Variants in CCDC39 observed in about 807,000 individuals in gnomAD.
The protein encoded by CCDC39 is coiled-coil domain-containing protein 39.
CCDC39 carries 113 observed loss-of-function variants against 121.0 expected under a neutral mutation model. The observed-to-expected ratio is 0.93, with a 90% CI of 0.80 to 1.09. The LOEUF (loss-of-function observed/expected upper bound fraction) is 1.09, where lower values mean the gene tolerates loss of function less well. Among genes scored for constraint, CCDC39 ranks in the 50% least tolerant of loss-of-function variants. The pLI, the probability that CCDC39 is intolerant of heterozygous loss-of-function variation, is 0.00. For synonymous variants in CCDC39, 349 were observed against 352.2 expected (o/e 0.99, Z 0.10); for missense variants, 1,063 against 1,074.7 (o/e 0.99, Z 0.15).
intron 12 of CCDC39, 75 bp downstream of exon 12, chr3:180,644,045 A>G: frequency 9.2e-7 from 1 of 1,087,988 alleles, no homozygotes; most frequent in Non-Finnish European, 1.3e-6. Context: ...ATAATTTGCT[A>G]TATTTTTTCA....
intron 9 of CCDC39, among the ~76,000 whole-genome samples, chr3:180,648,626 T>C (rs958998365): frequency 1.3e-5 from 2 of 152,116 alleles, no homozygotes; most frequent in Non-Finnish European, 2.9e-5. Context: ...AGCCTAGCAG[T>C]TGGTCATTCT....
At chr3:180,669,218 T>C (rs1255824171) in intron 1 of CCDC39, among the ~76,000 whole-genome samples, 2 of 152,018 alleles carry the variant, frequency 1.3e-5, no homozygotes, top group East Asian at 3.9e-4. Flanking sequence ...TATTTATCTT[T>C]ACAAAAGTGC....
At chr3:180,674,861 T>G (rs1475447436) in intron 1 of CCDC39, among the ~76,000 whole-genome samples, 1 of 152,212 alleles carries the variant, frequency 6.6e-6, no homozygotes, top group Non-Finnish European at 1.5e-5. Context: ...CTTTTCGATA[T>G]GCTGCTGGAT....
intron 2 of CCDC39, among the ~76,000 whole-genome samples, chr3:180,662,446 T>C (rs1035717244): frequency 6.6e-6 from 1 of 152,158 alleles, no homozygotes; most frequent in Non-Finnish European, 1.5e-5. Flanking sequence ...GAATATTCTC[T>C]AGAATATATT....
chr3:180,669,933 C>T (rs923741515), intron 1 of CCDC39, among the ~76,000 whole-genome samples: 20 of 152,128 alleles, frequency 1.3e-4, no homozygotes, highest in Non-Finnish European at 2.9e-5. Flanking sequence ...GGGGCACTGA[C>T]TTCACAGCCA....
intron 1 of CCDC39, among the ~76,000 whole-genome samples, chr3:180,671,210 C>T (rs1443152496): frequency 2.6e-5 from 2 of 78,404 alleles, no homozygotes; most frequent in East Asian, 3.5e-4. Context: ...GACTCTGTGT[C>T]AAAAAAAAAA....
Position 180,642,220 on chromosome 3 carries a change from G to T in CCDC39, c.1666-19C>A. The T allele has an allele frequency of 6.9e-7, 1 of 1,457,394 alleles. No individual in the cohort carries two copies. The highest frequency in any genetic ancestry group is 1.4e-5 in the African/African-American group (1 of 70,010). The allele number at this position is 1,457,394 out of a possible 1,614,324, so 90.3% of individuals were successfully genotyped here. The stretch of plus-strand genomic sequence containing the variant: ...TCAAATCCTATCAACGTAACAAAAT[G>T]GTCAAATATTGAAATTATTTTTAAT... On this transcript the variant is annotated intron_variant, in intron 12 of 19. Transcript: ENST00000476379.
In CCDC39 at chr3:180,614,962, T is replaced by C; in HGVS notation, c.2785A>G (p.Ser929Gly). 6.4e-7 allele frequency: 1 copy of C among 1,567,174 alleles called. No individual in the cohort carries two copies. ...TTGCTCTTAACATTACTAGAGCTAC[T>C]ACTAGCACTAGATGGCCTAGAAGGG... ...GSPSRPSSAS[S>G]SSSNVKSKKS... Residue 929 changes from serine to glycine, a missense_variant, in exon 20 of 20, where the codon AGT (serine) becomes GGT (glycine). Ser to Gly is a moderately conservative substitution (Grantham distance 56). Coordinates refer to ENST00000476379, the MANE Select transcript of CCDC39 (RefSeq NM_181426.2).
chr3:180,665,924 T>TTG (rs1455507016), intron 1 of CCDC39, among the ~76,000 whole-genome samples: 1 of 152,176 alleles, frequency 6.6e-6, no homozygotes, highest in Non-Finnish European at 1.5e-5. Context: ...AAATGTTTGT[T>TTG]TGTACAGCAT....
intron 1 of CCDC39, among the ~76,000 whole-genome samples, chr3:180,669,510 T>C (rs1487898360): frequency 2.0e-5 from 3 of 152,130 alleles, no homozygotes; most frequent in Non-Finnish European, 4.4e-5. Context: ...TAATTCTTAA[T>C]ATACTTGCAC....
chr3:180,674,844 G>A (rs1327591389), intron 1 of CCDC39, among the ~76,000 whole-genome samples: 1 of 152,142 alleles, frequency 6.6e-6, no homozygotes, highest in South Asian at 2.1e-4. Flanking sequence ...TGATCATCGT[G>A]GATAAGCTTT....
chr3:180,644,334 A>C, intron 11 of CCDC39, 77 bp from the exon 12 acceptor site: 2 of 793,558 alleles, frequency 2.5e-6, no homozygotes, highest in South Asian at 2.1e-5. Flanking sequence ...TGTATTATAT[A>C]TATCTTACAT....
At chr3:180,671,256 C>G (rs925501866) in intron 1 of CCDC39, among the ~76,000 whole-genome samples, 13 of 146,918 alleles carry the variant, frequency 8.8e-5, no homozygotes, top group African/African-American at 3.2e-4. Flanking sequence ...TCTATAGCAA[C>G]AACCCAATCA....
At chr3:180,627,963 A>G (rs144802961) in intron 14 of CCDC39, among the ~76,000 whole-genome samples, 1 of 152,320 alleles carries the variant, frequency 6.6e-6, no homozygotes, top group East Asian at 1.9e-4. Context: ...TATAACTGGT[A>G]TCCTTATTAA....
intron 10 of CCDC39, among the ~76,000 whole-genome samples, chr3:180,647,604 G>A (rs937235950): frequency 1.3e-5 from 2 of 151,970 alleles, no homozygotes; most frequent in Non-Finnish European, 2.9e-5. Flanking sequence ...GTCACTAATT[G>A]TTAGCCATGA....
chr3:180,619,409 G>T (rs1242512113), intron 15 of CCDC39, 44 bp from the exon 16 acceptor site: 1 of 935,238 alleles, frequency 1.1e-6, no homozygotes, highest in Non-Finnish European at 1.6e-6. Context: ...AACATACTAA[G>T]TAGAAATCAA....
At chr3:180,656,623 C>T (rs1711586594) in intron 6 of CCDC39, among the ~76,000 whole-genome samples, 1 of 152,156 alleles carries the variant, frequency 6.6e-6, no homozygotes, top group African/African-American at 2.4e-5. Context: ...GCTGCATTCC[C>T]AGACAGGCAA....
At chr3:180,649,346 T>C (rs1718145452) in intron 9 of CCDC39, among the ~76,000 whole-genome samples, 1 of 152,222 alleles carries the variant, frequency 6.6e-6, no homozygotes, top group Non-Finnish European at 1.5e-5. Context: ...TACCATGCCA[T>C]GATCAGTTGA....
chr3:180,622,641 A>G (rs1236021621), intron 14 of CCDC39, among the ~76,000 whole-genome samples: 2 of 152,048 alleles, frequency 1.3e-5, no homozygotes, highest in Non-Finnish European at 2.9e-5. Flanking sequence ...ATTTTATCAC[A>G]TTGCTTTATC....
Sources: allele counts gnomAD v4.1 joint callset (sites outside exome capture counted in the v4.1 genomes callset), GRCh38; gene constraint gnomAD v4.1.1; transcripts MANE v1.5; gene names NCBI Gene and HGNC (gene_info 2026-07-23, HGNC 2026-07-21).